The following DLG2 variants were observed in gnomAD, a reference collection of about 807,000 sequenced individuals.
The protein encoded by DLG2 is discs large MAGUK scaffold protein 2.
Under a neutral mutation model 132.5 loss-of-function variants are expected in DLG2, and 45 were observed. The ratio of observed to expected loss-of-function variants is 0.34; its 90% CI spans 0.27 to 0.44. DLG2 has a LOEUF of 0.44. DLG2 is among the 20% of genes least tolerant of loss of function. The pLI is 1.00. For synonymous variants in DLG2, 424 were observed against 419.6 expected (o/e 1.01, Z -0.13); for missense variants, 1,045 against 1,196.9 (o/e 0.87, Z 1.87).
At chr11:83,617,595 T>A (rs2061014365) in intron 19 of DLG2, among the ~76,000 whole-genome samples, 2 of 152,210 alleles carry the variant, frequency 1.3e-5, no homozygotes, top group Non-Finnish European at 2.9e-5. Flanking sequence ...ATTGTTTTCC[T>A]TCCAATCATC....
chr11:85,106,271 C>G (rs2071734233), intron 6 of DLG2, among the ~76,000 whole-genome samples: 1 of 151,878 alleles, frequency 6.6e-6, no homozygotes, highest in Admixed American at 6.6e-5. Flanking sequence ...AAACCTGGCC[C>G]CACTCCTTAA....
intron 6 of DLG2, among the ~76,000 whole-genome samples, chr11:84,580,433 A>G (rs567749335): frequency 9.2e-5 from 14 of 152,312 alleles, no homozygotes; most frequent in African/African-American, 2.6e-4. Flanking sequence ...TTAACTCTTG[A>G]GACGTGTGTT....
At chr11:84,936,231 G>T (rs1346274988) in intron 6 of DLG2, among the ~76,000 whole-genome samples, 1 of 152,018 alleles carries the variant, frequency 6.6e-6, no homozygotes, top group Non-Finnish European at 1.5e-5. Flanking sequence ...CCTTCATGTG[G>T]CCTCATTTTA....
At chr11:83,653,078 A>G (rs2071121202) in intron 18 of DLG2, among the ~76,000 whole-genome samples, 2 of 152,148 alleles carry the variant, frequency 1.3e-5, no homozygotes, top group South Asian at 4.1e-4. Context: ...TAACTTCCCA[A>G]TGCTGTACGC....
chr11:85,306,951 A>G (rs1214737584), intron 3 of DLG2, among the ~76,000 whole-genome samples: 1 of 152,218 alleles, frequency 6.6e-6, no homozygotes, highest in Non-Finnish European at 1.5e-5. Context: ...ATGTTATGCT[A>G]ATGAAAGTTG....
At chr11:84,480,129 C>T (rs1446185773) in intron 7 of DLG2, among the ~76,000 whole-genome samples, 1 of 152,088 alleles carries the variant, frequency 6.6e-6, no homozygotes, top group East Asian at 1.9e-4. Context: ...TTAAATAGGC[C>T]TTCATTACAC....
chr11:84,995,527 G>A (rs936566370), intron 6 of DLG2, among the ~76,000 whole-genome samples: 1 of 152,134 alleles, frequency 6.6e-6, no homozygotes, highest in Non-Finnish European at 1.5e-5. Flanking sequence ...GGCCTTGCAT[G>A]TCTTCTTGTT....
chr11:85,613,725 G>T (rs1191461710), intron 2 of DLG2, among the ~76,000 whole-genome samples: 1 of 152,188 alleles, frequency 6.6e-6, no homozygotes, highest in Non-Finnish European at 1.5e-5. Context: ...TGTGGGTGGG[G>T]CCAAATAAGG....
Position 85,285,527 on chromosome 11 carries a change from T to C in DLG2, c.41-162A>G, listed in dbSNP as rs140820231. 7.0e-3 allele frequency among the ~76,000 whole-genome samples: 1,071 copies of C among 152,116 alleles called. 8 individuals are homozygous for C. Among genetic ancestry groups the C allele is most frequent in the Non-Finnish European group, 0.012 (790 of 67,916 alleles). ...ACAGAAGAAATCCTGAAAATTATCT[T>C]TTTACCTGCATTTAGAATGCTTATA... On this transcript the variant is annotated intron_variant, in intron 3 of 27. Coordinates refer to ENST00000376104, the MANE Select transcript of DLG2 (RefSeq NM_001142699.3).
intron 21 of DLG2, among the ~76,000 whole-genome samples, chr11:83,507,731 T>C (rs1043710474): frequency 7.1e-6 from 1 of 140,716 alleles, no homozygotes; most frequent in African/African-American, 2.6e-5. Context: ...ATATTGTTTT[T>C]TATTTATATT....
At chr11:85,088,683 G>T (rs547826585) in intron 6 of DLG2, among the ~76,000 whole-genome samples, 1 of 152,082 alleles carries the variant, frequency 6.6e-6, no homozygotes, top group African/African-American at 2.4e-5. Flanking sequence ...TTTCCCCTGC[G>T]TTCCCAGTAT....
intron 15 of DLG2, among the ~76,000 whole-genome samples, chr11:83,909,332 C>T (rs1008325361): frequency 5.3e-5 from 8 of 152,156 alleles, no homozygotes; most frequent in South Asian, 2.1e-4. Context: ...TCAGTGCTAA[C>T]GCTCTTTGAT....
chr11:84,378,245 T>G (rs1282942010), intron 7 of DLG2, among the ~76,000 whole-genome samples: 1 of 152,152 alleles, frequency 6.6e-6, no homozygotes, highest in Non-Finnish European at 1.5e-5. Flanking sequence ...TTGCTCTTTC[T>G]CTTGCTCTCT....
intron 3 of DLG2, among the ~76,000 whole-genome samples, chr11:85,555,712 C>T (rs994316272): frequency 6.6e-6 from 1 of 151,874 alleles, no homozygotes. Flanking sequence ...TTCATCTGTT[C>T]CATGGAGTAA....
At chr11:85,185,421 G>T (rs1418294610) in intron 4 of DLG2, among the ~76,000 whole-genome samples, 1 of 151,892 alleles carries the variant, frequency 6.6e-6, no homozygotes, top group Non-Finnish European at 1.5e-5. Flanking sequence ...ACTAATTTAT[G>T]CACGCACACT....
intron 3 of DLG2, among the ~76,000 whole-genome samples, chr11:85,331,357 A>C (rs150689549): frequency 6.6e-6 from 1 of 152,210 alleles, no homozygotes; most frequent in Non-Finnish European, 1.5e-5. Context: ...ACTTTTAAAG[A>C]TGCTAGCGGT....
chr11:85,020,781 G>T (rs760906152), intron 6 of DLG2: 17 of 710,400 alleles, frequency 2.4e-5, no homozygotes, highest in Non-Finnish European at 3.9e-5. Flanking sequence ...GTGCTTCAAA[G>T]TCATCCTCTC....
At chr11:85,505,953 T>A (rs2093921514) in intron 3 of DLG2, among the ~76,000 whole-genome samples, 2 of 152,094 alleles carry the variant, frequency 1.3e-5, no homozygotes, top group African/African-American at 2.4e-5. Flanking sequence ...CTTGGGAGGG[T>A]GTATGTGTCC....
intron 5 of DLG2, among the ~76,000 whole-genome samples, chr11:85,120,205 C>T (rs1405989370): frequency 6.6e-6 from 1 of 152,076 alleles, no homozygotes; most frequent in Non-Finnish European, 1.5e-5. Context: ...GTCTTCCTGA[C>T]ACCTATGAAT....
Sources: allele counts gnomAD v4.1 joint callset (sites outside exome capture counted in the v4.1 genomes callset), GRCh38; gene constraint gnomAD v4.1.1; transcripts MANE v1.5; gene names NCBI Gene and HGNC (gene_info 2026-07-23, HGNC 2026-07-21).